Variants in CCDC85A observed in about 807,000 individuals in gnomAD.
The protein encoded by CCDC85A is coiled-coil domain-containing protein 85A.
CCDC85A carries 38 observed loss-of-function variants against 50.2 expected under a neutral mutation model. That is an observed-to-expected ratio of 0.76 (90% confidence interval 0.58 to 0.99). CCDC85A has a LOEUF of 0.99. CCDC85A is among the 50% of genes least tolerant of loss of function. The probability of loss-of-function intolerance (pLI) is 0.00; values close to 1 mark genes in which losing one functional copy is unlikely to be tolerated. For missense variants in CCDC85A, 820 were observed against 742.0 expected, an observed-to-expected ratio of 1.11 and a Z score of -1.22; for synonymous variants, 366 against 301.4, an observed-to-expected ratio of 1.21 and a Z score of -2.22.
intron 2 of CCDC85A, among the ~76,000 whole-genome samples, chr2:56,224,784 T>A (rs1270780739): frequency 6.6e-6 from 1 of 152,202 alleles, no homozygotes; most frequent in Non-Finnish European, 1.5e-5. Context: ...CCATTTTTAA[T>A]TGGTTTGTCT....
chr2:56,309,693 T>C (rs1442152520), intron 2 of CCDC85A, among the ~76,000 whole-genome samples: 1 of 152,118 alleles, frequency 6.6e-6, no homozygotes, highest in Admixed American at 6.6e-5. Flanking sequence ...TTTGAACAAA[T>C]TAAAGAAGCT....
intron 2 of CCDC85A, among the ~76,000 whole-genome samples, chr2:56,318,432 T>C (rs912294033): frequency 3.3e-5 from 5 of 152,072 alleles, no homozygotes; most frequent in African/African-American, 9.7e-5. Flanking sequence ...ACAACTTAAA[T>C]TGTCATTTCT....
At chr2:56,231,736 A>G (rs1668782721) in intron 2 of CCDC85A, among the ~76,000 whole-genome samples, 1 of 152,112 alleles carries the variant, frequency 6.6e-6, no homozygotes, top group Non-Finnish European at 1.5e-5. Flanking sequence ...GTTAGTGTAC[A>G]TTATTATTGT....
intron 2 of CCDC85A, among the ~76,000 whole-genome samples, chr2:56,213,173 T>G (rs72917085): frequency 5.3e-4 from 80 of 152,114 alleles, no homozygotes; most frequent in African/African-American, 1.9e-3. Context: ...TGGTTAGGGC[T>G]CCATACTTTT....
Position 56,385,170 on chromosome 2 carries a change from A to G in CCDC85A, c.*815A>G, listed in dbSNP as rs1284775055. Reference sequence around the variant, plus strand: ...TAACAATTTCAACTAAAAACAACAAACATAATTTTTCTAAGTGTTTCGAGC... The same window carrying G: ...TAACAATTTCAACTAAAAACAACAAGCATAATTTTTCTAAGTGTTTCGAGC... On this transcript the variant is annotated 3_prime_UTR_variant, in exon 6 of 6. Transcript: ENST00000407595. 1 of 152,286 alleles carries G rather than the reference A, an allele frequency of 6.6e-6. No homozygotes were observed. The highest frequency in any genetic ancestry group is 2.4e-5 in the African/African-American group (1 of 41,410). 9.4% of individuals were successfully genotyped at this position (152,286 alleles called of 1,614,324 possible).
chr2:56,323,425 A>C lies in CCDC85A; in HGVS notation c.1241-19454A>C, dbSNP rs144572038. On this transcript the variant is annotated intron_variant, in intron 2 of 5. Coordinates refer to ENST00000407595, the MANE Select transcript of CCDC85A (RefSeq NM_001080433.2). ...TGGGTTAGGGCTCCAGGGAGGTTTT[A>C]TTTTCAAGATAACTTTGGTGCTACT... is the stretch of plus-strand genomic sequence containing the variant. Among the ~76,000 whole-genome samples, 776 of 152,136 alleles carry C rather than the reference A, an allele frequency of 5.1e-3. 6 individuals are homozygous for C. Among genetic ancestry groups the C allele is most frequent in the African/African-American group, 0.018 (746 of 41,508 alleles).
At chr2:56,347,818 GCTCTTTCTA>G (rs1190366870) in intron 3 of CCDC85A, among the ~76,000 whole-genome samples, 1 of 152,092 alleles carries the variant, frequency 6.6e-6, no homozygotes, top group African/African-American at 2.4e-5. Context: ...ACCTTGCTTA[GCTCTTTCTA>G]CTCCATTCAT....
At chr2:56,249,643 T>C (rs563423743) in intron 2 of CCDC85A, among the ~76,000 whole-genome samples, 1 of 152,348 alleles carries the variant, frequency 6.6e-6, no homozygotes, top group East Asian at 1.9e-4. Context: ...ATATCAGTTT[T>C]CTCTGAGCCT....
chr2:56,322,193 G>T (rs970999560), intron 2 of CCDC85A, among the ~76,000 whole-genome samples: 1 of 152,156 alleles, frequency 6.6e-6, no homozygotes, highest in Non-Finnish European at 1.5e-5. Context: ...AAAAACTCTA[G>T]AAGAAAACCT....
At chr2:56,369,997 A>C (rs1036179712) in intron 3 of CCDC85A, among the ~76,000 whole-genome samples, 1 of 152,288 alleles carries the variant, frequency 6.6e-6, no homozygotes, top group Admixed American at 6.5e-5. Flanking sequence ...CAGAGTAAGT[A>C]ATCTATAATT....
chr2:56,323,685 T>C (rs977410798), intron 2 of CCDC85A, among the ~76,000 whole-genome samples: 1 of 152,092 alleles, frequency 6.6e-6, no homozygotes, highest in Non-Finnish European at 1.5e-5. Flanking sequence ...TAAACCTCTA[T>C]ACAAAAGGCT....
At chr2:56,344,405 G>A (rs2104327672) in intron 3 of CCDC85A, among the ~76,000 whole-genome samples, 1 of 152,244 alleles carries the variant, frequency 6.6e-6, no homozygotes, top group Non-Finnish European at 1.5e-5. Context: ...AGGACAGCAT[G>A]AGATTTCCTC....
chr2:56,192,654 G>C lies in CCDC85A; in HGVS notation c.454G>C (p.Glu152Gln). Reference protein sequence around the residue: ...ALYLQKLKDLEVKQEEVVKEN... With the variant: ...ALYLQKLKDLQVKQEEVVKEN... ...ATACCTGCAGAAGCTGAAAGACCTG[G>C]AGGTGAAGCAGGAGGAAGTGGTGAA... The change falls in exon 2 of 6, where the codon GAG becomes CAG. Residue 152 changes from glutamate to glutamine, a missense_variant. By Grantham distance (29) the Glu-to-Gln change is conservative (BLOSUM62 2). Coordinates refer to ENST00000407595, the MANE Select transcript of CCDC85A (RefSeq NM_001080433.2). This position sits in a 1 kb window ranked among gnomAD's most constrained non-coding sequence, Gnocchi z 4.7. 6.2e-7 allele frequency: 1 copy of C among 1,613,924 alleles called. No homozygotes were observed. Among genetic ancestry groups the C allele is most frequent in the East Asian group, 2.2e-5 (1 of 44,868 alleles).
At chr2:56,344,334 A>G (rs1674524636) in intron 3 of CCDC85A, among the ~76,000 whole-genome samples, 1 of 152,222 alleles carries the variant, frequency 6.6e-6, no homozygotes, top group South Asian at 2.1e-4. Context: ...CGAGATGGCC[A>G]TTAAGTGACT....
intron 2 of CCDC85A, among the ~76,000 whole-genome samples, chr2:56,304,421 A>G (rs1002006612): frequency 6.6e-6 from 1 of 152,172 alleles, no homozygotes; most frequent in Non-Finnish European, 1.5e-5. Context: ...AGTGGCATCA[A>G]AAATTTTCTC....
intron 2 of CCDC85A, among the ~76,000 whole-genome samples, chr2:56,199,581 A>G (rs1232813491): frequency 6.6e-6 from 1 of 151,244 alleles, no homozygotes; most frequent in East Asian, 1.9e-4. Flanking sequence ...TTTTTTTTTA[A>G]TCTCCTAAAA....
At chr2:56,381,330 T>G (rs528530560) in intron 5 of CCDC85A, among the ~76,000 whole-genome samples, 204 of 152,212 alleles carry the variant, frequency 1.3e-3, no homozygotes, top group Non-Finnish European at 2.3e-3. Context: ...TAGGAATGCC[T>G]GTTGCTTCTC....
rs1558576812 is a variant in CCDC85A, at chr2:56,193,032, A to C, written c.832A>C (p.Ser278Arg). 4 of 1,613,898 alleles carry C rather than the reference A, an allele frequency of 2.5e-6. No homozygotes were observed. Among genetic ancestry groups the C allele is most frequent in the Non-Finnish European group, 3.4e-6 (4 of 1,179,876 alleles). ...TCGCCCCAAAGCACTCAAAGGACCT[A>C]GCCCGGAGCACCACAAACCCTTGTG... Reference protein sequence around the residue: ...PDRPKALKGPSPEHHKPLCKG... With the variant: ...PDRPKALKGPRPEHHKPLCKG... The change falls in exon 2 of 6, where the codon AGC becomes CGC. Residue 278 changes from serine (S) to arginine (R), a missense_variant. Ser to Arg is a moderately radical substitution (Grantham distance 110). Transcript: ENST00000407595.
intron 2 of CCDC85A, among the ~76,000 whole-genome samples, chr2:56,219,835 C>G (rs1668244097): frequency 6.6e-6 from 1 of 151,874 alleles, no homozygotes; most frequent in African/African-American, 2.4e-5. Context: ...GGCTTGCTGC[C>G]AGACCCTGGA....
Sources: allele counts gnomAD v4.1 joint callset (sites outside exome capture counted in the v4.1 genomes callset), GRCh38; gene constraint gnomAD v4.1.1; non-coding constraint Gnocchi (gnomAD v3.1); transcripts MANE v1.5; gene names NCBI Gene and HGNC (gene_info 2026-07-23, HGNC 2026-07-21).